Variants in DNAH17 observed in about 807,000 individuals in gnomAD.
DNAH17 encodes dynein axonemal heavy chain 17, also known as axonemal beta dynein heavy chain 17.
A neutral mutation model predicts 485.6 loss-of-function variants in DNAH17; 376 were observed. That is an observed-to-expected ratio of 0.77 (90% CI 0.71 to 0.84). The LOEUF is 0.84. Ranked by LOEUF, DNAH17 falls within the 40% of genes least tolerant of loss-of-function variation. The probability of loss-of-function intolerance (pLI) is 0.00; values close to 1 mark genes in which losing one functional copy is unlikely to be tolerated. For synonymous variants in DNAH17, 3,031 were observed against 2,405.9 expected (o/e 1.26, Z -7.60); for missense variants, 6,370 against 5,839.3 (o/e 1.09, Z -2.96).
chr17:78,521,273 G>A (rs2090926339), intron 25 of DNAH17, among the ~76,000 whole-genome samples: 1 of 152,100 alleles, frequency 6.6e-6, no homozygotes, highest in African/African-American at 2.4e-5. Context: ...GGGTGGAGTG[G>A]TGTGTGTCTG....
At chr17:78,465,459 G>A (rs1306684242) in intron 56 of DNAH17, among the ~76,000 whole-genome samples, 5 of 143,368 alleles carry the variant, frequency 3.5e-5, no homozygotes, top group Non-Finnish European at 6.1e-5. Flanking sequence ...GTCTCCGCCC[G>A]GCTGCCATCC....
At chr17:78,485,507 G>C (rs755419964) in intron 47 of DNAH17, 43 bp downstream of exon 47, 5 of 1,526,470 alleles carry the variant, frequency 3.3e-6, no homozygotes, top group Non-Finnish European at 4.4e-6. Flanking sequence ...GGGGACTGGC[G>C]GGGGGCAGCC....
intron 13 of DNAH17, among the ~76,000 whole-genome samples, chr17:78,558,489 G>GGATGACATCACCCTCATGGGTT: frequency 6.8e-6 from 1 of 147,836 alleles, no homozygotes. Context: ...CCTCATGGGT[G>GGATGACATCACCCTCATGGGTT]GATGACATCA....
At chr17:78,479,165 C>G in intron 50 of DNAH17, 49 bp from the exon 51 acceptor site, 2 of 1,576,186 alleles carry the variant, frequency 1.3e-6, no homozygotes. Flanking sequence ...TTGATGGCCC[C>G]AGGAAGTGCA....
chr17:78,503,272 C>T (rs12449402), intron 31 of DNAH17, among the ~76,000 whole-genome samples: 33,048 of 144,452 alleles, frequency 0.23, 4,113 homozygotes, highest in South Asian at 0.34. Flanking sequence ...CTCCACCTCC[C>T]GGGTTCACGC....
intron 25 of DNAH17, among the ~76,000 whole-genome samples, chr17:78,518,899 T>C (rs1052123518): frequency 1.3e-5 from 2 of 152,082 alleles, no homozygotes; most frequent in Non-Finnish European, 2.9e-5. Flanking sequence ...CCAGGCGTGG[T>C]GGCTCACGCC....
intron 29 of DNAH17, 80 bp downstream of exon 29, chr17:78,507,198 A>T (rs2090508663): frequency 3.9e-6 from 6 of 1,534,382 alleles, no homozygotes; most frequent in Admixed American, 1.7e-5. Flanking sequence ...CAGGCTGCAC[A>T]AGACTTAAGT....
In DNAH17 at chr17:78,519,029, G is replaced by A. The variant is rs375035098; in HGVS notation, c.3865-4007C>T. Among the ~76,000 whole-genome samples, 9 of 151,926 alleles carry A rather than the reference G, an allele frequency of 5.9e-5. No individual in the cohort carries two copies. In the South Asian group the frequency reaches 8.3e-4, roughly 14 times the overall value. ...TAAAAATACAAAAAATTAGCCGGGCGTGGTGGCGGGCACCTGTAGTCCCAG... is the reference window on the plus strand; with the variant it reads ...TAAAAATACAAAAAATTAGCCGGGCATGGTGGCGGGCACCTGTAGTCCCAG... On this transcript the variant is annotated intron_variant, in intron 25 of 80. Coordinates refer to ENST00000389840, the MANE Select transcript of DNAH17 (RefSeq NM_173628.4).
chr17:78,506,422 T>C (rs1464760223), intron 30 of DNAH17, among the ~76,000 whole-genome samples: 1 of 152,074 alleles, frequency 6.6e-6, no homozygotes, highest in Non-Finnish European at 1.5e-5. Flanking sequence ...TCAGAAACAG[T>C]GTCTTACTAA....
rs1254903881 is a variant in DNAH17, at chr17:78,502,715, C to T, written c.5083-17G>A. ...CAGGGCCACCTGAAAGTACATACCC[C>T]CCATTGCCCACGCAGTGAGCGATCG... On this transcript the variant is annotated splice_polypyrimidine_tract_variant and intron_variant, in intron 32 of 80. Transcript: ENST00000389840. 2 of 1,608,402 alleles carry T rather than the reference C, an allele frequency of 1.2e-6. No homozygotes were observed. Among genetic ancestry groups the T allele is most frequent in the Admixed American group, 3.4e-5 (2 of 59,222 alleles).
intron 18 of DNAH17, 58 bp downstream of exon 18, chr17:78,539,679 G>T: frequency 7.2e-7 from 1 of 1,387,038 alleles, no homozygotes; most frequent in Non-Finnish European, 9.6e-7. Flanking sequence ...AGAAACTATA[G>T]ATTCTAACAG....
chr17:78,476,740 C>A lies in DNAH17; in HGVS notation c.7993-7G>T. ...CTGTGGAAAATAAGAGTCCCTGCCC[C>A]AAACACAGGATGATCAGCACCGTCA... is the stretch of plus-strand genomic sequence containing the variant. On this transcript the variant is annotated splice_region_variant and splice_polypyrimidine_tract_variant and intron_variant, in intron 51 of 80. Transcript: ENST00000389840. 1 of 1,610,574 alleles carries A rather than the reference C, an allele frequency of 6.2e-7. No homozygotes were observed. The highest frequency in any genetic ancestry group is 1.1e-5 in the South Asian group (1 of 90,292).
At chr17:78,502,004 G>A (rs942194931) in intron 33 of DNAH17, 131 bp from the exon 34 acceptor site, 12 of 1,322,018 alleles carry the variant, frequency 9.1e-6, no homozygotes, top group South Asian at 6.8e-5. Context: ...AAACAAGAGC[G>A]CCCTCGGTAG....
Position 78,432,987 on chromosome 17 carries a change from C to G in DNAH17, c.12225+1042G>C, listed in dbSNP as rs141470930. On this transcript the variant is annotated intron_variant, in intron 75 of 80. Transcript: ENST00000389840. ...GGAGTCCTCCAACCCCGAGGCCCCA[C>G]GTAGGCAGCAGCCCTCCTGGGCAGC... Among the ~76,000 whole-genome samples the G allele has an allele frequency of 8.7e-4, 132 of 151,736 alleles. 1 individual carries two copies. The East Asian group carries it at 0.021, about 24-fold the overall frequency.
At position 78,539,741 on chromosome 17, in the gene DNAH17, A is replaced by G. The variant is rs1170244932; in HGVS notation, c.2672T>C (p.Ile891Thr). The G allele has an allele frequency of 1.2e-6, 2 of 1,609,050 alleles. No individual in the cohort carries two copies. The highest frequency in any genetic ancestry group is 2.7e-5 in the African/African-American group (2 of 74,804). ...TACCTTATGTTGATAACTTACATCT[A>G]TAACCATGTTGTCCATTAGGAAACT... The part of the protein sequence containing the change: ...SLSFLMDNMV[I>T]DESIAPLFEI... Residue 891 changes from isoleucine (I) to threonine (T), a missense_variant, in exon 18 of 81, where the codon ATA (isoleucine) becomes ACA (threonine). Ile to Thr is a moderately conservative substitution (Grantham distance 89). Transcript: ENST00000389840.
intron 25 of DNAH17, among the ~76,000 whole-genome samples, chr17:78,519,149 A>C (rs867039813): frequency 9.5e-5 from 13 of 136,444 alleles, no homozygotes; most frequent in Non-Finnish European, 1.8e-4. Context: ...GCCTGGGTGA[A>C]AGAGCGAGAC....
At chr17:78,529,144 G>A (rs1050325399) in intron 22 of DNAH17, among the ~76,000 whole-genome samples, 10 of 152,062 alleles carry the variant, frequency 6.6e-5, no homozygotes, top group Admixed American at 3.3e-4. Context: ...TTTCTCCCAC[G>A]TTGCTCAGGC....
intron 58 of DNAH17, among the ~76,000 whole-genome samples, chr17:78,460,896 G>A (rs999986426): frequency 5.9e-5 from 9 of 152,130 alleles, no homozygotes; most frequent in African/African-American, 2.2e-4. Context: ...CATTCACTCA[G>A]GAGACAGTGG....
chr17:78,492,594 G>A, intron 42 of DNAH17, 39 bp downstream of exon 42: 2 of 1,609,802 alleles, frequency 1.2e-6, no homozygotes, highest in African/African-American at 1.3e-5. Flanking sequence ...ACTGGACCAG[G>A]AGTGCCCCTG....
Sources: gnomAD v4.1 joint callset for allele counts (sites outside exome capture counted in the v4.1 genomes callset) on GRCh38, gnomAD v4.1.1 for gene constraint, MANE v1.5 for transcripts, NCBI Gene and HGNC (gene_info 2026-07-23, HGNC 2026-07-21) for gene names.